MGAT4A: variants seen among roughly 807,000 people sequenced by gnomAD.
The protein encoded by MGAT4A is N-acetylglucosaminyltransferase IVa.
In MGAT4A, 33 loss-of-function variants were observed where a neutral mutation model predicts 74.1. That is an observed-to-expected ratio of 0.45 (90% confidence interval 0.34 to 0.60). The LOEUF (loss-of-function observed/expected upper bound fraction) is 0.60. MGAT4A is among the 20% of genes least tolerant of loss of function. The probability of loss-of-function intolerance (pLI) is 0.02; values close to 1 mark genes in which losing one functional copy is unlikely to be tolerated. For missense variants in MGAT4A, 479 were observed against 628.3 expected, an observed-to-expected ratio of 0.76 and a Z score of 2.54; for synonymous variants, 198 against 210.4, an observed-to-expected ratio of 0.94 and a Z score of 0.51.
chr2:98,624,301 AGC>A lies in MGAT4A; in HGVS notation c.*1263_*1264del. On this transcript the variant is annotated 3_prime_UTR_variant, in exon 16 of 16. Transcript: ENST00000393487. ...TGCTGGGATTACAGGCGTGAGCCAC[AGC>A]GCCTGGTGATAATTCATCATTTTTT... is the stretch of plus-strand genomic sequence containing the variant. 1 of 952,802 alleles carries A rather than the reference AGC, an allele frequency of 1.0e-6. No homozygotes were observed. Among genetic ancestry groups the A allele is most frequent in the Non-Finnish European group, 1.2e-6 (1 of 800,278 alleles). 59.0% of individuals were successfully genotyped at this position (952,802 alleles called of 1,614,324 possible). A position where few individuals can be genotyped will look rare whatever the true frequency, so the allele number is the denominator to read the frequency against.
intron 12 of MGAT4A, among the ~76,000 whole-genome samples, chr2:98,638,812 C>T (rs554064213): frequency 6.6e-5 from 10 of 152,278 alleles, no homozygotes; most frequent in Admixed American, 2.0e-4. Flanking sequence ...TTTCTGACCA[C>T]CTCAAATAGA....
intron 5 of MGAT4A, among the ~76,000 whole-genome samples, chr2:98,658,616 A>G (rs1701696137): frequency 6.6e-6 from 1 of 152,212 alleles, no homozygotes; most frequent in Non-Finnish European, 1.5e-5. Flanking sequence ...TTGGAATCAT[A>G]AAACCTAGGT....
rs1701954265 is a variant in MGAT4A at position 98,674,606 on chromosome 2, C to T, written c.403+429G>A. Among the ~76,000 whole-genome samples, 3 of 152,144 alleles carry T rather than the reference C, an allele frequency of 2.0e-5. No homozygotes were observed. In the South Asian group the frequency reaches 6.2e-4, roughly 32 times the overall value. ...AAAAAAGAAGCAAATCAAAGTATTT[C>T]TACTACTCCATAAAAAGTTACATAA... is the stretch of plus-strand genomic sequence containing the variant. On this transcript the variant is annotated intron_variant, in intron 4 of 15. Transcript: ENST00000393487.
chr2:98,703,085 C>T (rs1269564685), intron 2 of MGAT4A, among the ~76,000 whole-genome samples: 1 of 152,110 alleles, frequency 6.6e-6, no homozygotes, highest in African/African-American at 2.4e-5. Flanking sequence ...CTGGGTTTAG[C>T]AGATGAAGAC....
chr2:98,680,932 T>C (rs1702050441), intron 2 of MGAT4A, among the ~76,000 whole-genome samples: 1 of 152,230 alleles, frequency 6.6e-6, no homozygotes, highest in Non-Finnish European at 1.5e-5. Context: ...TACAAAAAGA[T>C]TAATTCTACC....
rs1214880929 is a variant in MGAT4A at position 98,655,598 on chromosome 2, A to C, written c.699-78T>G. On this transcript the variant is annotated intron_variant, in intron 7 of 15. Coordinates refer to ENST00000393487, the MANE Select transcript of MGAT4A (RefSeq NM_012214.3). Reference sequence around the variant, plus strand: ...AAATAAGATTAAATGTATAAATGTCAAATGTCTACATAACATGTCATCTAT... The same window carrying C: ...AAATAAGATTAAATGTATAAATGTCCAATGTCTACATAACATGTCATCTAT... 8 of 876,588 alleles carry C rather than the reference A, an allele frequency of 9.1e-6. No homozygotes were observed. The South Asian group carries it at 9.2e-5, about 10-fold the overall frequency. 54.3% of individuals were successfully genotyped at this position (876,588 alleles called of 1,614,324 possible).
rs977714148 is a variant in MGAT4A at position 98,619,860 on chromosome 2, C to A, written c.*5706G>T. The A allele has an allele frequency of 6.6e-6, 1 of 152,182 alleles. No homozygotes were observed. The highest frequency in any genetic ancestry group is 1.5e-5 in the Non-Finnish European group (1 of 68,026). 9.4% of individuals were successfully genotyped at this position (152,182 alleles called of 1,614,324 possible). ...TCCAAGAGTATTAAAATATTCCCCA[C>A]AACAAACAATCTTCATTTCAGAACA... On this transcript the variant is annotated 3_prime_UTR_variant, in exon 16 of 16. Transcript: ENST00000393487.
chr2:98,663,376 C>T (rs916601011), intron 4 of MGAT4A, 197 bp from the exon 5 acceptor site: 18 of 1,519,134 alleles, frequency 1.2e-5, no homozygotes, highest in African/African-American at 1.4e-5. Context: ...ATGGCTTAAC[C>T]ATAAGAAAAA....
At chr2:98,644,575 TTAACCTCTCAA>T (rs1003405030) in intron 9 of MGAT4A, among the ~76,000 whole-genome samples, 1 of 152,158 alleles carries the variant, frequency 6.6e-6, no homozygotes, top group Non-Finnish European at 1.5e-5. Flanking sequence ...AGATGAAATG[TTAACCTCTCAA>T]TATTATTTGA....
At chr2:98,631,537 C>G (rs976374895) in intron 14 of MGAT4A, among the ~76,000 whole-genome samples, 1 of 152,186 alleles carries the variant, frequency 6.6e-6, no homozygotes, top group Non-Finnish European at 1.5e-5. Context: ...AGTGGCTGGA[C>G]GTGGAGGGGA....
intron 8 of MGAT4A, among the ~76,000 whole-genome samples, chr2:98,647,710 G>A (rs537959375): frequency 2.0e-5 from 3 of 152,220 alleles, no homozygotes; most frequent in South Asian, 2.1e-4. Context: ...AGAAGGCACC[G>A]TGTTCAACTC....
chr2:98,721,920 T>C (rs1657507030), intron 2 of MGAT4A, among the ~76,000 whole-genome samples: 1 of 152,192 alleles, frequency 6.6e-6, no homozygotes. Context: ...ATTAAGTATG[T>C]ATGCATATGC....
chr2:98,675,615 C>T (rs1701968309), intron 3 of MGAT4A, among the ~76,000 whole-genome samples: 1 of 151,730 alleles, frequency 6.6e-6, no homozygotes, highest in Non-Finnish European at 1.5e-5. Flanking sequence ...GGCACAATCA[C>T]GGTTCACTGT....
intron 2 of MGAT4A, among the ~76,000 whole-genome samples, chr2:98,703,829 C>G (rs1337234628): frequency 6.6e-6 from 1 of 152,160 alleles, no homozygotes; most frequent in Non-Finnish European, 1.5e-5. Flanking sequence ...TGCCAGGACC[C>G]CTCTTCACTC....
At chr2:98,674,918 CAGAT>C in intron 4 of MGAT4A, 113 bp downstream of exon 4, 3 of 1,013,316 alleles carry the variant, frequency 3.0e-6, no homozygotes, top group Middle Eastern at 2.1e-4. Context: ...CTGATGTGCA[CAGAT>C]AAAGAAAGAA....
At chr2:98,703,588 G>A (rs905812479) in intron 2 of MGAT4A, among the ~76,000 whole-genome samples, 4 of 152,194 alleles carry the variant, frequency 2.6e-5, no homozygotes, top group African/African-American at 9.6e-5. Context: ...CAATCAGACT[G>A]TGGTACACCC....
intron 2 of MGAT4A, among the ~76,000 whole-genome samples, chr2:98,685,264 A>C (rs557718533): frequency 6.6e-5 from 10 of 151,320 alleles, no homozygotes; most frequent in Non-Finnish European, 1.2e-4. Context: ...AAAAGTAGTC[A>C]TCTGGTTCAA....
At chr2:98,675,832 G>A (rs1315401879) in intron 3 of MGAT4A, among the ~76,000 whole-genome samples, 1 of 152,158 alleles carries the variant, frequency 6.6e-6, no homozygotes, top group Non-Finnish European at 1.5e-5. Context: ...GGGATTACAG[G>A]CATGAGCTAT....
At chr2:98,699,825 T>A (rs1702326528) in intron 2 of MGAT4A, among the ~76,000 whole-genome samples, 1 of 152,090 alleles carries the variant, frequency 6.6e-6, no homozygotes, top group African/African-American at 2.4e-5. Flanking sequence ...TTAGCAAACA[T>A]AGGAAGCCAT....
Sources: gnomAD v4.1 joint callset for allele counts (sites outside exome capture counted in the v4.1 genomes callset) on GRCh38, gnomAD v4.1.1 for gene constraint, MANE v1.5 for transcripts, NCBI Gene and HGNC (gene_info 2026-07-23, HGNC 2026-07-21) for gene names.